The following MFSD11 variants were observed in gnomAD, a reference collection of about 807,000 sequenced individuals.
MFSD11 encodes the protein UNC93-like protein MFSD11.
Under a neutral mutation model 53.5 loss-of-function variants are expected in MFSD11, and 36 were observed. That is an observed-to-expected ratio of 0.67 (90% CI 0.52 to 0.89). The LOEUF is 0.89. Among genes scored for constraint, MFSD11 ranks in the 40% least tolerant of loss-of-function variants. The pLI, the probability that MFSD11 is intolerant of heterozygous loss-of-function variation, is 0.00. For missense variants in MFSD11, 530 were observed against 543.9 expected (o/e 0.97, Z 0.25); for synonymous variants, 186 against 184.9 (o/e 1.01, Z -0.05).
intron 8 of MFSD11, among the ~76,000 whole-genome samples, chr17:76,759,918 G>A (rs934640866): frequency 6.6e-6 from 1 of 150,848 alleles, no homozygotes; most frequent in Admixed American, 6.6e-5. Flanking sequence ...TTTTCTATAC[G>A]TATTATATAC....
chr17:76,756,978 TAGTG>T (rs1159801212), intron 8 of MFSD11, among the ~76,000 whole-genome samples: 2 of 152,192 alleles, frequency 1.3e-5, no homozygotes, highest in African/African-American at 4.8e-5. Flanking sequence ...TGACATTTCT[TAGTG>T]AGCCCTTTCA....
chr17:76,781,501 C>G (rs1455302496), downstream of MFSD11: 4 of 152,194 alleles, frequency 2.6e-5, no homozygotes, highest in Non-Finnish European at 5.9e-5. Context: ...CACCTTGTCA[C>G]CTGTCACACT....
the MFSD11 span, among the ~76,000 whole-genome samples, chr17:76,803,775 T>C: frequency 0.85 from 129,553 of 151,914 alleles, 55,940 homozygotes; most frequent in Non-Finnish European, 0.93. Flanking sequence ...GGAGACTGAT[T>C]TGAGTAATAA....
chr17:76,777,477 C>G (rs145261952), intron 12 of MFSD11, among the ~76,000 whole-genome samples: 1 of 152,186 alleles, frequency 6.6e-6, no homozygotes, highest in African/African-American at 2.4e-5. Flanking sequence ...TCAAGTGATC[C>G]GCCCGCTTGG....
At chr17:76,775,742 T>C (rs76621435) in intron 11 of MFSD11, among the ~76,000 whole-genome samples, 1 of 152,204 alleles carries the variant, frequency 6.6e-6, no homozygotes, top group Non-Finnish European at 1.5e-5. Context: ...GGAAGTGTTA[T>C]TAGAACATTT....
chr17:76,751,232 AC>A (rs2079025510), intron 7 of MFSD11, among the ~76,000 whole-genome samples: 1 of 151,760 alleles, frequency 6.6e-6, no homozygotes, highest in Non-Finnish European at 1.5e-5. Flanking sequence ...TACTAAAAAT[AC>A]AAAAAAATTA....
chr17:76,767,393 T>C lies in MFSD11; in HGVS notation c.690T>C (p.Ser230=). The change falls in exon 9 of 13, where the codon TCT becomes TCC. Residue 230 remains serine (S), a synonymous_variant. Coordinates refer to ENST00000685175, the MANE Select transcript of MFSD11 (RefSeq NM_001242532.5). ...AAATTTTTGTGTTTACAGAAAAGTC[T>C]TTTAAGTTATGTGTCACCAAGGAGA... ...LTKAVDAFKK[S]FKLCVTKEML... is the part of the protein sequence containing the mutation. The C allele has an allele frequency of 6.3e-7, 1 of 1,596,072 alleles. No homozygotes were observed. The highest frequency in any genetic ancestry group is 1.7e-5 in the Admixed American group (1 of 59,284).
chr17:76,737,367 C>G (rs959237413), upstream of MFSD11: 2 of 585,160 alleles, frequency 3.4e-6, no homozygotes, highest in African/African-American at 1.9e-5. Flanking sequence ...GTTTATATCG[C>G]TCCTCACAAA....
At chr17:76,746,989 A>C (rs894212487) in intron 7 of MFSD11, among the ~76,000 whole-genome samples, 1 of 149,710 alleles carries the variant, frequency 6.7e-6, no homozygotes, top group Non-Finnish European at 1.5e-5. Flanking sequence ...GCTCACTGCA[A>C]CCTCTGCCTC....
upstream of MFSD11, chr17:76,736,849 T>G: frequency 6.2e-7 from 1 of 1,606,026 alleles, no homozygotes; most frequent in Non-Finnish European, 8.5e-7. Flanking sequence ...GGGGTGGCGG[T>G]CCCCGGCGGC....
At chr17:76,753,556 C>T (rs2079264549) in intron 7 of MFSD11, among the ~76,000 whole-genome samples, 1 of 151,592 alleles carries the variant, frequency 6.6e-6, no homozygotes, top group Admixed American at 6.6e-5. Context: ...ACCTGTAATC[C>T]CAGCTACTCA....
chr17:76,755,812 A>ATATATATTT (rs1555669398), intron 8 of MFSD11, among the ~76,000 whole-genome samples: 2 of 19,518 alleles, frequency 1.0e-4, no homozygotes, highest in African/African-American at 1.6e-4. Context: ...ATATATATAT[A>ATATATATTT]TTTTTTTTTT....
At chr17:76,796,940 C>A in the MFSD11 span, among the ~76,000 whole-genome samples, 1 of 152,028 alleles carries the variant, frequency 6.6e-6, no homozygotes, top group East Asian at 1.9e-4. Context: ...GAGGCCGAGG[C>A]AGGCAGATCA....
chr17:76,755,757 T>C, intron 8 of MFSD11, among the ~76,000 whole-genome samples: 3 of 131,276 alleles, frequency 2.3e-5, no homozygotes, highest in Non-Finnish European at 4.9e-5. Context: ...TATGTGTATA[T>C]GTATATATGT....
chr17:76,796,627 G>C, the MFSD11 span, among the ~76,000 whole-genome samples: 1 of 152,058 alleles, frequency 6.6e-6, no homozygotes, highest in African/African-American at 2.4e-5. Flanking sequence ...ACCATTACCA[G>C]AAAGGGATCC....
upstream of MFSD11, chr17:76,738,097 T>C (rs1323666519): frequency 4.0e-6 from 2 of 498,358 alleles, no homozygotes; most frequent in Admixed American, 7.5e-5. Flanking sequence ...GCGGATAAAT[T>C]CTTGGCGCTT....
intron 2 of MFSD11, 150 bp downstream of exon 2, chr17:76,739,143 A>C: frequency 1.6e-6 from 1 of 642,308 alleles, no homozygotes; most frequent in South Asian, 2.0e-5. Flanking sequence ...TAATAGAATA[A>C]AGCTGATGAG....
At chr17:76,751,031 C>T (rs1360833016) in intron 7 of MFSD11, among the ~76,000 whole-genome samples, 1 of 151,372 alleles carries the variant, frequency 6.6e-6, no homozygotes, top group Non-Finnish European at 1.5e-5. Context: ...AAACTCCTTA[C>T]CTCAAGTGAT....
At chr17:76,756,070 C>T (rs1347099820) in intron 8 of MFSD11, among the ~76,000 whole-genome samples, 7 of 150,282 alleles carry the variant, frequency 4.7e-5, no homozygotes, top group South Asian at 4.2e-4. Context: ...GTGATCCACC[C>T]GCCTTGGCCT....
Sources: gnomAD v4.1 joint callset for allele counts (sites outside exome capture counted in the v4.1 genomes callset) on GRCh38, gnomAD v4.1.1 for gene constraint, MANE v1.5 for transcripts, NCBI Gene and HGNC (gene_info 2026-07-23, HGNC 2026-07-21) for gene names.